The following GRID1 variants were observed in gnomAD, a reference collection of about 807,000 sequenced individuals.
GRID1 encodes glutamate ionotropic receptor delta type subunit 1, also known as glutamate receptor ionotropic, delta-1.
A neutral mutation model predicts 98.0 loss-of-function variants in GRID1; 28 were observed. The observed-to-expected ratio is 0.29, with a 90% CI of 0.21 to 0.39. The LOEUF is 0.39. Ranked by LOEUF, GRID1 falls within the 10% of genes least tolerant of loss-of-function variation. GRID1 has a pLI of 1.00. For synonymous variants in GRID1, 553 were observed against 538.5 expected (o/e 1.03, Z -0.37); for missense variants, 1,111 against 1,340.5 (o/e 0.83, Z 2.67).
chr10:85,687,035 G>A (rs1841277268), intron 12 of GRID1, among the ~76,000 whole-genome samples: 2 of 152,132 alleles, frequency 1.3e-5, no homozygotes, highest in Non-Finnish European at 2.9e-5. Flanking sequence ...TTGTTTATGT[G>A]TATAATAATC....
chr10:86,031,201 A>G (rs1176505018), intron 4 of GRID1, among the ~76,000 whole-genome samples: 1 of 152,236 alleles, frequency 6.6e-6, no homozygotes, highest in Non-Finnish European at 1.5e-5. Context: ...AATATGGTAC[A>G]TATACACTAG....
At chr10:85,637,680 C>G (rs79726068) in intron 13 of GRID1, among the ~76,000 whole-genome samples, 1,686 of 152,260 alleles carry the variant, frequency 0.011, 18 homozygotes, top group Non-Finnish European at 0.015. Flanking sequence ...CTTCCTGTAC[C>G]TTTTATTTCT....
chr10:86,135,582 G>A (rs1441338535), intron 4 of GRID1, among the ~76,000 whole-genome samples: 1 of 152,064 alleles, frequency 6.6e-6, no homozygotes, highest in Non-Finnish European at 1.5e-5. Flanking sequence ...TAAAGACTGA[G>A]CGAGGGATGT....
intron 2 of GRID1, among the ~76,000 whole-genome samples, chr10:86,354,598 G>A (rs1848508728): frequency 6.6e-6 from 1 of 152,258 alleles, no homozygotes; most frequent in Admixed American, 6.5e-5. Context: ...GGGTCAGAGA[G>A]GGAATGCGAT....
chr10:86,056,146 A>G (rs1342779400), intron 4 of GRID1, among the ~76,000 whole-genome samples: 1 of 152,138 alleles, frequency 6.6e-6, no homozygotes, highest in Non-Finnish European at 1.5e-5. Flanking sequence ...TTTCTCAGCC[A>G]CACCCTTGGG....
chr10:85,927,128 G>A (rs1323206293), intron 4 of GRID1, among the ~76,000 whole-genome samples: 3 of 152,218 alleles, frequency 2.0e-5, no homozygotes, highest in Admixed American at 6.5e-5. Flanking sequence ...AGGACAGGAA[G>A]TGTGTGGGCA....
intron 4 of GRID1, among the ~76,000 whole-genome samples, chr10:85,932,965 C>A (rs895885613): frequency 6.6e-6 from 1 of 152,148 alleles, no homozygotes; most frequent in African/African-American, 2.4e-5. Context: ...TGCTATGGTT[C>A]GAATGTATCC....
rs187628571 is a variant in GRID1, at chr10:86,185,732, G to A, written c.520+20632C>T. On this transcript the variant is annotated intron_variant, in intron 3 of 15. Coordinates refer to ENST00000327946, the MANE Select transcript of GRID1 (RefSeq NM_017551.3). ...ATAATCATACGTGTTTTCTTTTTAA[G>A]TCTATAATAATGGTGAATTACGTCA... Among the ~76,000 whole-genome samples, 287 of 152,212 alleles carry A rather than the reference G, an allele frequency of 1.9e-3. 2 individuals carry two copies. The highest frequency in any genetic ancestry group is 1.3e-3 in the Non-Finnish European group (90 of 67,968).
chr10:86,048,794 A>T (rs151244824), intron 4 of GRID1, among the ~76,000 whole-genome samples: 1 of 152,364 alleles, frequency 6.6e-6, no homozygotes, highest in African/African-American at 2.4e-5. Flanking sequence ...AACATGTAAT[A>T]ATAATAACAT....
intron 13 of GRID1, among the ~76,000 whole-genome samples, chr10:85,632,969 T>C (rs977753682): frequency 1.2e-4 from 18 of 152,220 alleles, no homozygotes; most frequent in African/African-American, 3.4e-4. Context: ...AGTGAGAACA[T>C]GCAGTGTTTG....
chr10:86,204,141 C>T (rs1845992534), intron 3 of GRID1, among the ~76,000 whole-genome samples: 1 of 152,200 alleles, frequency 6.6e-6, no homozygotes, highest in Non-Finnish European at 1.5e-5. Context: ...CTGTAGAATA[C>T]AACCTGTTTC....
At chr10:85,746,511 T>C (rs1036913918) in intron 8 of GRID1, among the ~76,000 whole-genome samples, 1 of 152,182 alleles carries the variant, frequency 6.6e-6, no homozygotes, top group Non-Finnish European at 1.5e-5. Context: ...GGAGGTGACA[T>C]TTTGTGACTT....
chr10:86,180,166 T>C (rs1302535619), intron 3 of GRID1, among the ~76,000 whole-genome samples: 4 of 152,006 alleles, frequency 2.6e-5, no homozygotes, highest in African/African-American at 7.2e-5. Context: ...GCCAGCTAGC[T>C]TGTGAGCAGA....
At chr10:86,139,766 G>A (rs956468321) in intron 3 of GRID1, among the ~76,000 whole-genome samples, 8 of 152,208 alleles carry the variant, frequency 5.3e-5, no homozygotes, top group African/African-American at 1.9e-4. Context: ...TGATCACTGG[G>A]AGAGAGGTCT....
At chr10:86,288,274 T>G (rs1412757860) in intron 2 of GRID1, among the ~76,000 whole-genome samples, 2 of 152,104 alleles carry the variant, frequency 1.3e-5, no homozygotes, top group African/African-American at 4.8e-5. Context: ...AGCTGGAGCG[T>G]TCAGGCATGG....
intron 4 of GRID1, among the ~76,000 whole-genome samples, chr10:86,063,337 G>T (rs1211705385): frequency 1.3e-5 from 2 of 152,184 alleles, no homozygotes; most frequent in African/African-American, 4.8e-5. Flanking sequence ...AAGCATAAAG[G>T]AGCTCATGGT....
chr10:85,950,992 C>T (rs1048562455), intron 4 of GRID1, among the ~76,000 whole-genome samples: 7 of 152,192 alleles, frequency 4.6e-5, no homozygotes, highest in African/African-American at 1.7e-4. Flanking sequence ...TCTGGCATCC[C>T]CATTCCATTG....
intron 2 of GRID1, among the ~76,000 whole-genome samples, chr10:86,362,274 G>A (rs1243172258): frequency 1.3e-5 from 2 of 152,176 alleles, no homozygotes; most frequent in Non-Finnish European, 1.5e-5. Context: ...GGTTCCTTCC[G>A]CTAAGAAGGC....
At chr10:86,297,510 A>C (rs978743545) in intron 2 of GRID1, among the ~76,000 whole-genome samples, 3 of 152,188 alleles carry the variant, frequency 2.0e-5, no homozygotes, top group African/African-American at 7.2e-5. Context: ...AATGAAAGAA[A>C]CCTAGCAGGA....
Sources: gnomAD v4.1 joint callset for allele counts (sites outside exome capture counted in the v4.1 genomes callset) on GRCh38, gnomAD v4.1.1 for gene constraint, MANE v1.5 for transcripts, NCBI Gene and HGNC (gene_info 2026-07-23, HGNC 2026-07-21) for gene names.